The following ZNF585A variants were observed in gnomAD, a reference collection of about 807,000 sequenced individuals.
The protein encoded by ZNF585A is zinc finger protein 585A.
A neutral mutation model predicts 14.9 loss-of-function variants in ZNF585A; 9 were observed. The ratio of observed to expected loss-of-function variants is 0.60; its 90% confidence interval spans 0.36 to 1.05. ZNF585A has a LOEUF of 1.05. ZNF585A is among the 50% of genes least tolerant of loss of function. The pLI, the probability that ZNF585A is intolerant of heterozygous loss-of-function variation, is 0.01. For synonymous variants in ZNF585A, 276 were observed against 319.9 expected, an observed-to-expected ratio of 0.86 and a Z score of 1.46; for missense variants, 726 against 926.4, an observed-to-expected ratio of 0.78 and a Z score of 2.81.
chr19:37,152,618 T>G lies in ZNF585A; in HGVS notation c.1281A>C (p.Ala427=), dbSNP rs1336764121. 1.9e-6 allele frequency: 3 copies of G among 1,614,058 alleles called. No homozygotes were observed. Among genetic ancestry groups the G allele is most frequent in the African/African-American group, 1.3e-5 (1 of 74,922 alleles). Residue 427 remains alanine, a synonymous_variant, in exon 5 of 5, where the codon GCA becomes GCC. Coordinates refer to ENST00000292841, the MANE Select transcript of ZNF585A (RefSeq NM_001288800.2). ...TCTCTCCAGTATGAATTATTTGATG[T>G]GCAATCAAGTGTGCCTTCTGAATGA... ...LAFIQKAHLI[A]HQIIHTGEKP...
In ZNF585A at chr19:37,147,891, T is replaced by C. The variant is rs915297999; in HGVS notation, c.*3698A>G. On this transcript the variant is annotated 3_prime_UTR_variant, in exon 5 of 5. Transcript: ENST00000292841. ...TATGTCTGAGCAGCCCTCCATAGTA[T>C]TGGTGTACACAATTTGTTTAATCAC... The C allele has an allele frequency of 5.3e-5, 8 of 152,208 alleles. No individual in the cohort carries two copies. The highest frequency in any genetic ancestry group is 2.1e-4 in the South Asian group (1 of 4,836). The allele number at this position is 152,208 out of a possible 1,614,324, so 9.4% of individuals were successfully genotyped here.
At chr19:37,167,297 C>A (rs1271324272) in intron 2 of ZNF585A, among the ~76,000 whole-genome samples, 1 of 152,122 alleles carries the variant, frequency 6.6e-6, no homozygotes, top group African/African-American at 2.4e-5. Flanking sequence ...GCCTCAGCCT[C>A]CTGAGTAGCT....
intron 2 of ZNF585A, among the ~76,000 whole-genome samples, chr19:37,160,812 C>T (rs12980849): frequency 0.57 from 85,885 of 151,878 alleles, 25,955 homozygotes; most frequent in African/African-American, 0.77. Context: ...TAAAAGCTCC[C>T]GAAAAAGAAA....
chr19:37,153,034 G>A lies in ZNF585A; in HGVS notation c.865C>T (p.Arg289Ter), dbSNP rs765392534. The stretch of plus-strand genomic sequence containing the variant: ...GGTTTTTCTCCAGTATGAATTCTTC[G>A]GTGTGCAATCAAATGGGTCTTCTGG... ...FIQKTHLIAH[R>*]RIHTGEKPYE... The change falls in exon 5 of 5, where the codon CGA becomes TGA. Residue 289 changes from arginine to a stop codon, truncating the protein, a stop_gained. Transcript: ENST00000292841. LOFTEE classifies it low-confidence loss of function (END_TRUNC). 1.1e-5 allele frequency: 18 copies of A among 1,613,986 alleles called. No homozygotes were observed. Among genetic ancestry groups the A allele is most frequent in the Admixed American group, 1.7e-5 (1 of 59,986 alleles).
intron 2 of ZNF585A, among the ~76,000 whole-genome samples, chr19:37,168,884 T>C (rs1972138128): frequency 6.6e-6 from 1 of 152,214 alleles, no homozygotes; most frequent in South Asian, 2.1e-4. Flanking sequence ...AAAAAATGTG[T>C]ACTTGTTTTT....
chr19:37,158,425 T>C (rs547239045), intron 2 of ZNF585A, among the ~76,000 whole-genome samples: 7 of 152,208 alleles, frequency 4.6e-5, no homozygotes, highest in Non-Finnish European at 1.0e-4. Flanking sequence ...ATTAATTTCA[T>C]TACACTACTT....
intron 2 of ZNF585A, among the ~76,000 whole-genome samples, chr19:37,162,072 G>A (rs1031808208): frequency 1.3e-5 from 2 of 151,966 alleles, no homozygotes; most frequent in Non-Finnish European, 2.9e-5. Flanking sequence ...TACAGGCACC[G>A]GCCAACATGC....
rs1449348376 is a variant in ZNF585A, at chr19:37,151,367, C to T, written c.*222G>A. 2.1e-6 allele frequency: 1 copy of T among 481,346 alleles called. No homozygotes were observed. The allele number at this position is 481,346 out of a possible 1,614,324, so 29.8% of individuals were successfully genotyped here. On this transcript the variant is annotated 3_prime_UTR_variant, in exon 5 of 5. Transcript: ENST00000292841. The stretch of plus-strand genomic sequence containing the variant: ...TCACCAAATTGACTCGGTTCCTTGT[C>T]AGTATGAATAATGACCCAAGGTTTA...
intron 3 of ZNF585A, 52 bp downstream of exon 3, chr19:37,156,177 G>A: frequency 6.2e-7 from 1 of 1,600,668 alleles, no homozygotes; most frequent in South Asian, 1.1e-5. Context: ...AACTGAGAAT[G>A]AAAACACTCT....
intron 1 of ZNF585A, among the ~76,000 whole-genome samples, chr19:37,171,419 A>G (rs59509981): frequency 6.6e-6 from 1 of 152,250 alleles, no homozygotes; most frequent in East Asian, 1.9e-4. Context: ...ATAAGATGCC[A>G]ACTTTAGTAA....
intron 4 of ZNF585A, 52 bp from the exon 5 acceptor site, chr19:37,153,658 A>G: frequency 7.2e-7 from 1 of 1,380,852 alleles, no homozygotes; most frequent in Non-Finnish European, 9.9e-7. Flanking sequence ...TCATTTGGTA[A>G]TCTTTTTAAC....
Position 37,152,706 on chromosome 19 carries a change from G to T in ZNF585A, c.1193C>A (p.Thr398Lys). The change falls in exon 5 of 5, where the codon ACA becomes AAA. Residue 398 changes from threonine (T) to lysine (K), a missense_variant. Around this residue, in one of 2 missense-constraint regions of ZNF585A, gnomAD observed 483 missense variants for 542.8 expected, o/e 0.89. Transcript: ENST00000292841. ...TCCTGTATGAATTCTCTGATGCACTGTGAGTGCTGACTTCTGAGTGAAGGC... is the reference window on the plus strand; with the variant it reads ...TCCTGTATGAATTCTCTGATGCACTTTGAGTGCTGACTTCTGAGTGAAGGC... ...GKAFTQKSAL[T>K]VHQRIHTGEK... 2.5e-6 allele frequency: 4 copies of T among 1,612,602 alleles called. No homozygotes were observed. Among genetic ancestry groups the T allele is most frequent in the South Asian group, 2.2e-5 (2 of 90,920 alleles).
chr19:37,169,991 G>T lies in ZNF585A; in HGVS notation c.-81C>A. 6.6e-7 allele frequency: 1 copy of T among 1,524,912 alleles called. No homozygotes were observed. The allele number at this position is 1,524,912 out of a possible 1,614,324, so 94.5% of individuals were successfully genotyped here. A position where few individuals can be genotyped will look rare whatever the true frequency, so the allele number is the denominator to read the frequency against. ...CTGTGAACTCAAGCAGAGCTGCTCT[G>T]AAGAGATGGGCTGGAGTCTAGAGGA... On this transcript the variant is annotated 5_prime_UTR_variant, in exon 2 of 5. Coordinates refer to ENST00000292841, the MANE Select transcript of ZNF585A (RefSeq NM_001288800.2).
intron 2 of ZNF585A, among the ~76,000 whole-genome samples, chr19:37,161,577 C>T (rs1328191558): frequency 6.6e-6 from 1 of 152,036 alleles, no homozygotes; most frequent in Non-Finnish European, 1.5e-5. Flanking sequence ...AGTGTGCATG[C>T]CTCTCCTGCC....
At chr19:37,155,295 A>G (rs1459220535) in intron 4 of ZNF585A, among the ~76,000 whole-genome samples, 1 of 151,352 alleles carries the variant, frequency 6.6e-6, no homozygotes, top group East Asian at 2.0e-4. Context: ...GCCAAGAAAG[A>G]TCTTTAATGA....
At chr19:37,172,086 A>G (rs1972192150) in intron 1 of ZNF585A, among the ~76,000 whole-genome samples, 1 of 152,222 alleles carries the variant, frequency 6.6e-6, no homozygotes, top group Admixed American at 6.5e-5. Flanking sequence ...ATTAATATCT[A>G]TAACAATACA....
intron 2 of ZNF585A, among the ~76,000 whole-genome samples, chr19:37,158,811 T>C (rs1428709332): frequency 6.6e-6 from 1 of 152,226 alleles, no homozygotes. Flanking sequence ...ATTAGCTTAC[T>C]GGTTATGCTA....
chr19:37,156,104 A>G lies in ZNF585A; in HGVS notation c.199+125T>C, dbSNP rs925391188. ...AAAATTCTGAGTGCCCTAAACAAAT[A>G]AAGAATCCTAGACAAATCAAGAACA... is the stretch of plus-strand genomic sequence containing the variant. On this transcript the variant is annotated intron_variant, in intron 3 of 4. Transcript: ENST00000292841. 7.1e-6 allele frequency: 11 copies of G among 1,552,012 alleles called. No individual in the cohort carries two copies. In the African/African-American group the frequency reaches 1.4e-4, roughly 19 times the overall value.
intron 2 of ZNF585A, 22 bp downstream of exon 2, chr19:37,169,817 C>T (rs759684422): frequency 5.0e-6 from 8 of 1,609,242 alleles, no homozygotes; most frequent in Non-Finnish European, 6.8e-6. Context: ...ATTCCCACCC[C>T]CCTGGGACTC....
Sources: allele counts gnomAD v4.1 joint callset (sites outside exome capture counted in the v4.1 genomes callset), GRCh38; gene constraint gnomAD v4.1.1; regional missense constraint gnomAD v4.1.1; transcripts MANE v1.5; gene names NCBI Gene and HGNC (gene_info 2026-07-23, HGNC 2026-07-21).